The following STAG1 variants were observed in gnomAD, a reference collection of about 807,000 sequenced individuals.
STAG1 encodes STAG1 cohesin complex component, also known as cohesin subunit SA-1.
Under a neutral mutation model 170.9 loss-of-function variants are expected in STAG1, and 26 were observed. That is an observed-to-expected ratio of 0.15 (90% CI 0.11 to 0.21). The LOEUF (loss-of-function observed/expected upper bound fraction) is 0.21. Among genes scored for constraint, STAG1 ranks in the 10% least tolerant of loss-of-function variants. STAG1 has a pLI of 1.00. For missense variants in STAG1, 964 were observed against 1,509.5 expected (o/e 0.64, Z 5.99); for synonymous variants, 514 against 497.7 (o/e 1.03, Z -0.44).
At position 136,337,588 on chromosome 3, in the gene STAG1, C is replaced by T. The variant is rs1031964674; in HGVS notation, c.*666G>A. 1 of 152,542 alleles carries T rather than the reference C, an allele frequency of 6.6e-6. No individual in the cohort carries two copies. The highest frequency in any genetic ancestry group is 6.5e-5 in the Admixed American group (1 of 15,272). The allele number at this position is 152,542 out of a possible 1,614,324, so 9.4% of individuals were successfully genotyped here. A position where few individuals can be genotyped will look rare whatever the true frequency, so the allele number is the denominator to read the frequency against. On this transcript the variant is annotated 3_prime_UTR_variant, in exon 34 of 34. Coordinates refer to ENST00000383202, the MANE Select transcript of STAG1 (RefSeq NM_005862.3). Reference sequence around the variant, plus strand: ...TGCCCACTTATAAATAAAAATAAACCTTTTATTCAAGAGTATATAAAATCT... The same window carrying T: ...TGCCCACTTATAAATAAAAATAAACTTTTTATTCAAGAGTATATAAAATCT...
intron 7 of STAG1, among the ~76,000 whole-genome samples, chr3:136,503,467 T>C (rs1933588537): frequency 6.6e-6 from 1 of 152,242 alleles, no homozygotes; most frequent in Non-Finnish European, 1.5e-5. Flanking sequence ...GACAAACAGG[T>C]ATGACACAAA....
chr3:136,633,226 A>C (rs1940400829), intron 1 of STAG1, among the ~76,000 whole-genome samples: 1 of 152,092 alleles, frequency 6.6e-6, no homozygotes, highest in Admixed American at 6.5e-5. Context: ...CCAAAATAAA[A>C]ATTAAAAAAT....
At chr3:136,652,784 A>C (rs1941258923) in intron 1 of STAG1, among the ~76,000 whole-genome samples, 1 of 152,178 alleles carries the variant, frequency 6.6e-6, no homozygotes, top group South Asian at 2.1e-4. Flanking sequence ...TGGCAACAAA[A>C]ACAATACCTC....
At chr3:136,375,128 G>T (rs1937526110) in intron 23 of STAG1, among the ~76,000 whole-genome samples, 2 of 152,074 alleles carry the variant, frequency 1.3e-5, no homozygotes, top group Non-Finnish European at 2.9e-5. Context: ...TGATGAAATT[G>T]CCTAACAACA....
intron 1 of STAG1, among the ~76,000 whole-genome samples, chr3:136,695,993 A>G (rs1482669366): frequency 6.6e-6 from 1 of 152,206 alleles, no homozygotes; most frequent in Non-Finnish European, 1.5e-5. Context: ...TTTATTTGGG[A>G]ATATATAAAA....
intron 1 of STAG1, among the ~76,000 whole-genome samples, chr3:136,655,077 T>C (rs896769468): frequency 2.0e-5 from 3 of 152,182 alleles, no homozygotes; most frequent in African/African-American, 4.8e-5. Flanking sequence ...AGCATTAGGT[T>C]TGGCAATGAT....
chr3:136,615,424 CAA>C (rs35713077), intron 3 of STAG1, among the ~76,000 whole-genome samples: 529 of 33,190 alleles, frequency 0.016, 3 homozygotes, highest in African/African-American at 0.049. Flanking sequence ...AGACTTTGTC[CAA>C]AAAAAAAAAA....
intron 1 of STAG1, among the ~76,000 whole-genome samples, chr3:136,738,150 C>CCAGGGATGGGAG (rs376871112): frequency 6.6e-6 from 1 of 151,910 alleles, no homozygotes; most frequent in Admixed American, 6.6e-5. Context: ...ATGGTGGTTA[C>CCAGGGATGGGAG]CAGGGATGGG....
chr3:136,458,732 G>A (rs546649002), intron 13 of STAG1, among the ~76,000 whole-genome samples: 11 of 151,972 alleles, frequency 7.2e-5, no homozygotes, highest in African/African-American at 2.7e-4. Context: ...ATATAAAGTG[G>A]CTGAAACGAT....
At chr3:136,436,140 G>C (rs914174370) in intron 15 of STAG1, among the ~76,000 whole-genome samples, 2 of 151,962 alleles carry the variant, frequency 1.3e-5, no homozygotes, top group African/African-American at 4.8e-5. Flanking sequence ...ATTTTTAGGA[G>C]AGTCGGGGTT....
chr3:136,624,405 T>C (rs974519675), intron 2 of STAG1, among the ~76,000 whole-genome samples: 1 of 152,182 alleles, frequency 6.6e-6, no homozygotes, highest in Non-Finnish European at 1.5e-5. Flanking sequence ...CAGCCAATTA[T>C]TGGAATCTAA....
chr3:136,450,761 T>G (rs1342432039), intron 14 of STAG1, among the ~76,000 whole-genome samples: 2 of 152,224 alleles, frequency 1.3e-5, no homozygotes, highest in Non-Finnish European at 2.9e-5. Context: ...TTAATTTTTT[T>G]TGAGACAGAA....
chr3:136,589,856 G>A (rs968272784), intron 4 of STAG1, among the ~76,000 whole-genome samples: 7 of 148,776 alleles, frequency 4.7e-5, no homozygotes, highest in African/African-American at 9.9e-5. Context: ...GCCTGAATCC[G>A]GGAGGCGGAA....
intron 30 of STAG1, 95 bp from the exon 31 acceptor site, chr3:136,341,646 C>A (rs1935973884): frequency 2.7e-6 from 2 of 753,750 alleles, no homozygotes; most frequent in Non-Finnish European, 4.5e-6. Flanking sequence ...TTTACTTAAT[C>A]CCATGTTGGA....
chr3:136,623,102 A>G, intron 3 of STAG1, 44 bp downstream of exon 3: 1 of 1,520,482 alleles, frequency 6.6e-7, no homozygotes. Context: ...ACTCATTAAC[A>G]CGGTCACTAT....
intron 13 of STAG1, among the ~76,000 whole-genome samples, chr3:136,453,460 G>C (rs1233981399): frequency 6.6e-6 from 1 of 151,770 alleles, no homozygotes; most frequent in Non-Finnish European, 1.5e-5. Context: ...GCGTGGTGGC[G>C]GGCGCCTGTA....
At chr3:136,658,083 G>A (rs577030082) in intron 1 of STAG1, among the ~76,000 whole-genome samples, 2 of 151,844 alleles carry the variant, frequency 1.3e-5, no homozygotes, top group Admixed American at 6.6e-5. Flanking sequence ...AACACTTCAG[G>A]GGGGGCTGAG....
At chr3:136,452,252 G>T in intron 13 of STAG1, 105 bp from the exon 14 acceptor site, 3 of 727,776 alleles carry the variant, frequency 4.1e-6, no homozygotes, top group Admixed American at 2.2e-5. Context: ...CAACAAAAAG[G>T]GGGAGCAGGG....
intron 1 of STAG1, among the ~76,000 whole-genome samples, chr3:136,679,572 C>T (rs141417265): frequency 2.9e-4 from 44 of 151,710 alleles, no homozygotes; most frequent in African/African-American, 1.0e-3. Context: ...ACTAAAAAGA[C>T]AAAAAAATTA....
Sources: allele counts gnomAD v4.1 joint callset (sites outside exome capture counted in the v4.1 genomes callset), GRCh38; gene constraint gnomAD v4.1.1; transcripts MANE v1.5; gene names NCBI Gene and HGNC (gene_info 2026-07-23, HGNC 2026-07-21).